Variants in TMEM182 observed in about 807,000 individuals in gnomAD.
TMEM182 encodes transmembrane protein 182.
Under a neutral mutation model 26.8 loss-of-function variants are expected in TMEM182, and 20 were observed. The observed-to-expected ratio is 0.75, with a 90% confidence interval of 0.53 to 1.09. TMEM182 has a LOEUF of 1.09. Ranked by LOEUF, TMEM182 falls within the 50% of genes least tolerant of loss-of-function variation. TMEM182 has a pLI of 0.00. For missense variants in TMEM182, 277 were observed against 275.5 expected (o/e 1.01, Z -0.04); for synonymous variants, 109 against 102.2 (o/e 1.07, Z -0.40).
chr2:102,793,665 C>CA (rs1681741767), intron 3 of TMEM182, among the ~76,000 whole-genome samples: 1 of 152,196 alleles, frequency 6.6e-6, no homozygotes, highest in Non-Finnish European at 1.5e-5. Context: ...ATATTTACTA[C>CA]AATGCAAGTA....
In TMEM182 at chr2:102,793,247, G is replaced by GT. The variant is rs562151453; in HGVS notation, c.332-4615dup. On this transcript the variant is annotated intron_variant, in intron 3 of 4. Transcript: ENST00000412401. Reference sequence around the variant, plus strand: ...TCACCGTGCATTGGCTCTGTGTCAGGTATCTGCTCCCATTTACTGATGTTT... The same window carrying GT: ...TCACCGTGCATTGGCTCTGTGTCAGGTTATCTGCTCCCATTTACTGATGTTT... Among the ~76,000 whole-genome samples, 4 of 152,296 alleles carry GT rather than the reference G, an allele frequency of 2.6e-5. No individual in the cohort carries two copies. In the East Asian group the frequency reaches 7.7e-4, roughly 29 times the overall value.
At chr2:102,798,386 C>A (rs191164731) in intron 4 of TMEM182, among the ~76,000 whole-genome samples, 2 of 152,088 alleles carry the variant, frequency 1.3e-5, no homozygotes, top group Non-Finnish European at 2.9e-5. Context: ...AAATGGGGAT[C>A]GTAACATAAG....
chr2:102,783,261 C>T lies in TMEM182; in HGVS notation c.332-14602C>T, dbSNP rs371617086. ...GTTTGATTTTTGCAATGATTTCCTG[C>T]GTAAAATGGGCAATTTTAGATGGCT... is the stretch of plus-strand genomic sequence containing the variant. On this transcript the variant is annotated intron_variant, in intron 3 of 4. Transcript: ENST00000412401. Among the ~76,000 whole-genome samples, 36 of 152,218 alleles carry T rather than the reference C, an allele frequency of 2.4e-4. No individual in the cohort carries two copies. The South Asian group carries it at 5.8e-3, about 25-fold the overall frequency.
chr2:102,836,117 A>G lies in TMEM182; in HGVS notation c.326-7295A>G, dbSNP rs369331076. On this transcript the variant is annotated intron_variant, in intron 3 of 3. Transcript: ENST00000486293. ...GAATAATATTCCATTGTTTGGAGGT[A>G]CCACAGTTCTCTTTGCCCCGTGAAG... Among the ~76,000 whole-genome samples, 19 of 152,274 alleles carry G rather than the reference A, an allele frequency of 1.2e-4. No homozygotes were observed. The East Asian group carries it at 3.5e-3, about 28-fold the overall frequency.
chr2:102,841,020 C>A (rs541195227), intron 3 of TMEM182, among the ~76,000 whole-genome samples: 116 of 151,898 alleles, frequency 7.6e-4, no homozygotes, highest in African/African-American at 2.7e-3. Context: ...CTTTTTTTTT[C>A]AGTGTTACTT....
downstream of TMEM182, among the ~76,000 whole-genome samples, chr2:102,818,729 A>C (rs553452534): frequency 4.9e-4 from 70 of 142,780 alleles, no homozygotes; most frequent in African/African-American, 1.7e-3. Flanking sequence ...TGATATATCT[A>C]ATAATTCTAT....
upstream of TMEM182, chr2:102,757,518 T>G (rs1680079279): frequency 6.6e-6 from 1 of 152,164 alleles, no homozygotes; most frequent in Admixed American, 6.5e-5. Flanking sequence ...TTCTGCCTAC[T>G]AAAGACTTAT....
chr2:102,757,837 T>C (rs972590640), upstream of TMEM182, among the ~76,000 whole-genome samples: 1 of 152,174 alleles, frequency 6.6e-6, no homozygotes, highest in African/African-American at 2.4e-5. Flanking sequence ...CTTAGAATCT[T>C]GGCGGAAGGC....
chr2:102,756,062 T>G (rs1008301666), intron 1 of TMEM182, among the ~76,000 whole-genome samples: 6 of 152,026 alleles, frequency 3.9e-5, no homozygotes, highest in Non-Finnish European at 8.8e-5. Flanking sequence ...AGCATTCTAA[T>G]CAGATGGGGA....
At chr2:102,785,022 G>A (rs1341371107) in intron 3 of TMEM182, among the ~76,000 whole-genome samples, 1 of 152,138 alleles carries the variant, frequency 6.6e-6, no homozygotes, top group African/African-American at 2.4e-5. Flanking sequence ...AGCTCGAGAT[G>A]GAGTTGCTCT....
Position 102,815,622 on chromosome 2 carries a change from CT to C in TMEM182, c.*657del. 1 of 985,422 alleles carries C rather than the reference CT, an allele frequency of 1.0e-6. No individual in the cohort carries two copies. The highest frequency in any genetic ancestry group is 1.2e-6 in the Non-Finnish European group (1 of 829,914). 61.0% of individuals were successfully genotyped at this position (985,422 alleles called of 1,614,324 possible). ...ACTTAATTGTGCATGCTTACATAAACTTTAAACTACATTTAAAACTAGCAAA... is the reference window on the plus strand; with the variant it reads ...ACTTAATTGTGCATGCTTACATAAACTTAAACTACATTTAAAACTAGCAAA... On this transcript the variant is annotated 3_prime_UTR_variant, in exon 5 of 5. Coordinates refer to ENST00000412401, the MANE Select transcript of TMEM182 (RefSeq NM_144632.5).
At chr2:102,812,668 T>C (rs1369216837) in intron 4 of TMEM182, among the ~76,000 whole-genome samples, 2 of 152,178 alleles carry the variant, frequency 1.3e-5, no homozygotes, top group Non-Finnish European at 2.9e-5. Flanking sequence ...CAGTGATGGG[T>C]TTTTCAATTT....
chr2:102,818,420 A>G (rs1411204323), downstream of TMEM182, among the ~76,000 whole-genome samples: 1 of 152,202 alleles, frequency 6.6e-6, no homozygotes, highest in East Asian at 1.9e-4. Flanking sequence ...CAGGGAAGAT[A>G]GGAAAGAAAG....
intron 3 of TMEM182, among the ~76,000 whole-genome samples, chr2:102,793,346 C>T (rs868411031): frequency 4.6e-5 from 7 of 152,208 alleles, no homozygotes; most frequent in East Asian, 1.9e-4. Context: ...GGACAGAAAA[C>T]GTTCCCATGA....
chr2:102,805,086 C>G (rs1358545356), intron 4 of TMEM182, among the ~76,000 whole-genome samples: 2 of 152,220 alleles, frequency 1.3e-5, no homozygotes, highest in African/African-American at 4.8e-5. Flanking sequence ...CAGCATTAGT[C>G]AGCCTTGCTT....
chr2:102,807,427 C>A (rs575213256), intron 4 of TMEM182, among the ~76,000 whole-genome samples: 13 of 152,296 alleles, frequency 8.5e-5, no homozygotes, highest in Non-Finnish European at 1.6e-4. Context: ...GTTCTGTAAT[C>A]TGAAGCATAA....
chr2:102,817,745 G>T (rs1682804726), downstream of TMEM182: 2 of 974,606 alleles, frequency 2.1e-6, no homozygotes, highest in Non-Finnish European at 2.4e-6. Flanking sequence ...GTGCATGTCT[G>T]TGTATATTTG....
At position 102,826,237 on chromosome 2, in the gene TMEM182, C is replaced by T. The variant is rs1276113983; in HGVS notation, c.326-17175C>T. Among the ~76,000 whole-genome samples the T allele has an allele frequency of 7.3e-5, 11 of 150,028 alleles. 1 individual carries two copies. The South Asian group carries it at 2.1e-3, about 29-fold the overall frequency. On this transcript the variant is annotated intron_variant, in intron 3 of 3. Transcript: ENST00000486293. Reference sequence around the variant, plus strand: ...TGCCCTCGGGTAAGTTACTGAGGCTCTTCACTTTCCTCCAAGCAAAATAAC... The same window carrying T: ...TGCCCTCGGGTAAGTTACTGAGGCTTTTCACTTTCCTCCAAGCAAAATAAC...
At chr2:102,807,271 A>G (rs1391788407) in intron 4 of TMEM182, among the ~76,000 whole-genome samples, 2 of 152,156 alleles carry the variant, frequency 1.3e-5, no homozygotes, top group Non-Finnish European at 2.9e-5. Context: ...TGCAGCAATG[A>G]GTGTTTGGAA....
Sources: gnomAD v4.1 joint callset for allele counts (sites outside exome capture counted in the v4.1 genomes callset) on GRCh38, gnomAD v4.1.1 for gene constraint, MANE v1.5 for transcripts, NCBI Gene and HGNC (gene_info 2026-07-23, HGNC 2026-07-21) for gene names.